RTN3: variants seen among roughly 807,000 people sequenced by gnomAD.
The protein encoded by RTN3 is reticulon 3.
RTN3 carries 49 observed loss-of-function variants against 77.8 expected under a neutral mutation model. The ratio of observed to expected loss-of-function variants is 0.63; its 90% CI spans 0.50 to 0.80. The LOEUF (loss-of-function observed/expected upper bound fraction) is 0.80. RTN3 is among the 30% of genes least tolerant of loss of function. The pLI is 0.00. For missense variants in RTN3, 1,236 were observed against 1,211.9 expected (o/e 1.02, Z -0.29); for synonymous variants, 464 against 446.9 (o/e 1.04, Z -0.48).
chr11:63,757,316 G>A (rs761075682), intron 8 of RTN3, among the ~76,000 whole-genome samples: 3 of 151,910 alleles, frequency 2.0e-5, no homozygotes, highest in Non-Finnish European at 4.4e-5. Context: ...ATACCTAGAG[G>A]ACAGTATTTT....
intron 1 of RTN3, among the ~76,000 whole-genome samples, chr11:63,682,812 A>T (rs1272433938): frequency 6.6e-6 from 1 of 152,074 alleles, no homozygotes; most frequent in African/African-American, 2.4e-5. Context: ...TTATGCAGAA[A>T]TCTGCAGTGC....
chr11:63,689,700 CAG>C (rs1297854934), intron 1 of RTN3, among the ~76,000 whole-genome samples: 1 of 151,336 alleles, frequency 6.6e-6, no homozygotes, highest in Non-Finnish European at 1.5e-5. Flanking sequence ...CCAGAGAAGA[CAG>C]TGAGCTTATC....
chr11:63,758,150 C>T lies in RTN3; in HGVS notation c.3054-6C>T, dbSNP rs377391379. 23 of 1,581,346 alleles carry T rather than the reference C, an allele frequency of 1.5e-5. No individual in the cohort carries two copies. The African/African-American group carries it at 2.9e-4, about 20-fold the overall frequency. ...TTCTTTCTTTTTCCCCTCCTTTTCTCAATAGGATCCAAGCAAAACTCCCTG... is the reference window on the plus strand; with the variant it reads ...TTCTTTCTTTTTCCCCTCCTTTTCTTAATAGGATCCAAGCAAAACTCCCTG... On this transcript the variant is annotated splice_region_variant and splice_polypyrimidine_tract_variant and intron_variant, in intron 8 of 8. Coordinates refer to ENST00000377819, the MANE Select transcript of RTN3 (RefSeq NM_001265589.2).
At chr11:63,684,855 G>C (rs1356756628) in intron 1 of RTN3, among the ~76,000 whole-genome samples, 1 of 152,066 alleles carries the variant, frequency 6.6e-6, no homozygotes, top group Non-Finnish European at 1.5e-5. Flanking sequence ...TGTCTCCTGG[G>C]CTCAAACCAT....
At chr11:63,708,615 A>G (rs1163670097) in intron 2 of RTN3, among the ~76,000 whole-genome samples, 2 of 152,204 alleles carry the variant, frequency 1.3e-5, no homozygotes, top group Non-Finnish European at 2.9e-5. Flanking sequence ...AAATTTTGTG[A>G]TATTTACTAA....
intron 3 of RTN3, among the ~76,000 whole-genome samples, chr11:63,724,508 T>TTTA (rs1555075308): frequency 8.1e-6 from 1 of 123,520 alleles, no homozygotes; most frequent in African/African-American, 3.5e-5. Flanking sequence ...TTTTTTTTTT[T>TTTA]AAAGACAGAG....
At chr11:63,705,155 A>G (rs982041907) in intron 2 of RTN3, among the ~76,000 whole-genome samples, 5 of 152,222 alleles carry the variant, frequency 3.3e-5, no homozygotes, top group Non-Finnish European at 7.3e-5. Context: ...ATTTCTTTAA[A>G]ATTAAAAACT....
chr11:63,735,550 T>TTCCCTCTCTC (rs2013034094), intron 3 of RTN3, among the ~76,000 whole-genome samples: 1 of 42,686 alleles, frequency 2.3e-5, no homozygotes, highest in Non-Finnish European at 4.2e-5. Context: ...ATTCTAACAT[T>TTCCCTCTCTC]TCTCTCTCTC....
intron 3 of RTN3, among the ~76,000 whole-genome samples, chr11:63,735,582 C>CTCTCTCTCTCTCTCTCTA: frequency 6.7e-6 from 1 of 149,266 alleles, no homozygotes; most frequent in Admixed American, 6.8e-5. Flanking sequence ...CTCTCTCTCT[C>CTCTCTCTCTCTCTCTCTA]TCTCTCTCTC....
At chr11:63,734,470 C>T (rs1234582219) in intron 3 of RTN3, among the ~76,000 whole-genome samples, 1 of 151,160 alleles carries the variant, frequency 6.6e-6, no homozygotes, top group East Asian at 1.9e-4. Flanking sequence ...GGCACAGTGG[C>T]TCATGCCTGT....
rs2013646176 is a variant in RTN3 at position 63,744,058 on chromosome 11, A to G, written c.2531-5933A>G. Among the ~76,000 whole-genome samples, 6 of 152,160 alleles carry G rather than the reference A, an allele frequency of 3.9e-5. No individual in the cohort carries two copies. The South Asian group carries it at 1.2e-3, about 32-fold the overall frequency. ...GGAGTTCGAGACCAGCCTGGCCAAT[A>G]TGGCAAAACCCTGTCTCTAATAAAC... On this transcript the variant is annotated intron_variant, in intron 3 of 8. Transcript: ENST00000377819.
At chr11:63,715,990 T>C (rs1332893647) in intron 2 of RTN3, among the ~76,000 whole-genome samples, 1 of 152,264 alleles carries the variant, frequency 6.6e-6, no homozygotes, top group Non-Finnish European at 1.5e-5. Flanking sequence ...TAATGGTAGA[T>C]GCAAACCATG....
chr11:63,702,158 A>T (rs528002111), intron 1 of RTN3, among the ~76,000 whole-genome samples: 15 of 152,152 alleles, frequency 9.9e-5, no homozygotes, highest in African/African-American at 2.2e-4. Flanking sequence ...AAAGGGAGTT[A>T]ATATGTAAAG....
rs767569642 is a variant in RTN3, at chr11:63,719,259, G to T, written c.757G>T (p.Asp253Tyr). ...TGAATCACCATTTGAAGTAATTATTGACAAAGCAGCATTTGACAAAGAATT... is the reference window on the plus strand; with the variant it reads ...TGAATCACCATTTGAAGTAATTATTTACAAAGCAGCATTTGACAAAGAATT... ...SPESPFEVII[D>Y]KAAFDKEFKD... is the part of the protein sequence containing the mutation. Residue 253 changes from aspartate to tyrosine, a missense_variant, in exon 3 of 9, where the codon GAC becomes TAC. Asp to Tyr is a radical substitution (Grantham distance 160). Coordinates refer to ENST00000377819, the MANE Select transcript of RTN3 (RefSeq NM_001265589.2). 6.2e-7 allele frequency: 1 copy of T among 1,613,986 alleles called. No homozygotes were observed. The highest frequency in any genetic ancestry group is 8.5e-7 in the Non-Finnish European group (1 of 1,180,018).
intron 2 of RTN3, among the ~76,000 whole-genome samples, chr11:63,715,050 A>G (rs1043371709): frequency 1.3e-5 from 2 of 152,236 alleles, no homozygotes; most frequent in Non-Finnish European, 2.9e-5. Context: ...TCCCAGTGAC[A>G]TGAATATTCT....
intron 2 of RTN3, among the ~76,000 whole-genome samples, chr11:63,717,350 A>T (rs866809531): frequency 1.3e-5 from 2 of 150,294 alleles, no homozygotes. Flanking sequence ...TTCTATTTTA[A>T]AAGTAATTCT....
At chr11:63,741,308 T>C (rs2013462461) in intron 3 of RTN3, among the ~76,000 whole-genome samples, 1 of 151,724 alleles carries the variant, frequency 6.6e-6, no homozygotes, top group African/African-American at 2.4e-5. Flanking sequence ...GTTCAATCAA[T>C]TCTTGTGCCT....
intron 3 of RTN3, 49 bp from the exon 4 acceptor site, chr11:63,749,939 CATA>C: frequency 7.7e-7 from 1 of 1,294,820 alleles, no homozygotes; most frequent in Non-Finnish European, 1.1e-6. Context: ...GTATGCAAGA[CATA>C]GTAGCTGTGG....
rs35324379 is a variant in RTN3, at chr11:63,759,719, ATTTTTTT to A, written c.*1527_*1533del. 8.9e-5 allele frequency: 13 copies of A among 146,270 alleles called. No individual in the cohort carries two copies. Among genetic ancestry groups the A allele is most frequent in the Admixed American group, 7.5e-4 (11 of 14,704 alleles). 9.1% of individuals were successfully genotyped at this position (146,270 alleles called of 1,614,324 possible). ...TGAAGAGATCTTTGTGCCACACAGG[ATTTTTTT>A]TTTTTTTTAAGAAAAACCTATAGAT... is the stretch of plus-strand genomic sequence containing the variant. On this transcript the variant is annotated 3_prime_UTR_variant, in exon 9 of 9. Transcript: ENST00000377819.
Sources: gnomAD v4.1 joint callset for allele counts (sites outside exome capture counted in the v4.1 genomes callset) on GRCh38, gnomAD v4.1.1 for gene constraint, MANE v1.5 for transcripts, NCBI Gene and HGNC (gene_info 2026-07-23, HGNC 2026-07-21) for gene names.